Variants in RNF24 observed in about 807,000 individuals in gnomAD.
RNF24 encodes ring finger protein 24.
A neutral mutation model predicts 20.0 loss-of-function variants in RNF24; 14 were observed. The observed-to-expected ratio is 0.70, with a 90% CI of 0.46 to 1.10. The LOEUF (loss-of-function observed/expected upper bound fraction) is 1.10, where lower values mean the gene tolerates loss of function less well. Ranked by LOEUF, RNF24 falls within the 50% of genes least tolerant of loss-of-function variation. The probability of loss-of-function intolerance (pLI) is 0.00; values close to 1 mark genes in which losing one functional copy is unlikely to be tolerated. For missense variants in RNF24, 124 were observed against 177.6 expected (o/e 0.70, Z 1.71); for synonymous variants, 45 against 61.1 (o/e 0.74, Z 1.23).
chr20:3,946,969 G>A (rs567111865), intron 3 of RNF24, among the ~76,000 whole-genome samples: 2 of 152,206 alleles, frequency 1.3e-5, no homozygotes, highest in South Asian at 4.1e-4. Flanking sequence ...GAGGTGGGTG[G>A]ATCACGAGGT....
rs556247516 is a variant in RNF24, at chr20:3,941,143, T to C, written c.228+4034A>G. Among the ~76,000 whole-genome samples the C allele has an allele frequency of 5.3e-5, 8 of 152,250 alleles. No homozygotes were observed. In the South Asian group the frequency reaches 1.4e-3, roughly 28 times the overall value. ...TCCCAGGCTTGGGTGATCTTTCCACTTAAGGCTCCTGAGTAGCTGGGACTA... is the reference window on the plus strand; with the variant it reads ...TCCCAGGCTTGGGTGATCTTTCCACCTAAGGCTCCTGAGTAGCTGGGACTA... On this transcript the variant is annotated intron_variant, in intron 4 of 5. Transcript: ENST00000358395.
rs773343492 is a variant in RNF24 at position 3,934,295 on chromosome 20, C to T, written c.309-94G>A. On this transcript the variant is annotated intron_variant, in intron 5 of 5. Transcript: ENST00000358395. This position sits in a 1 kb window ranked among gnomAD's most constrained non-coding sequence, Gnocchi z 4.0. The stretch of plus-strand genomic sequence containing the variant: ...ATCTCCATATCTGTCACCCAGACAA[C>T]GTCTGCTGTATGGTCCAAGGAGCTC... The T allele has an allele frequency of 1.8e-4, 235 of 1,330,124 alleles. No individual in the cohort carries two copies. Among genetic ancestry groups the T allele is most frequent in the Middle Eastern group, 3.8e-4 (2 of 5,266 alleles). 82.4% of individuals were successfully genotyped at this position (1,330,124 alleles called of 1,614,324 possible). A position where few individuals can be genotyped will look rare whatever the true frequency, so the allele number is the denominator to read the frequency against.
At chr20:3,979,960 G>A (rs1337069520) in intron 1 of RNF24, among the ~76,000 whole-genome samples, 2 of 151,928 alleles carry the variant, frequency 1.3e-5, no homozygotes, top group East Asian at 1.9e-4. Context: ...AAATAAGCCA[G>A]AAGAAGGAAT....
intron 1 of RNF24, among the ~76,000 whole-genome samples, chr20:3,979,574 C>T (rs1466175593): frequency 1.3e-5 from 2 of 152,104 alleles, no homozygotes; most frequent in African/African-American, 4.8e-5. Flanking sequence ...ACTCAGGAGG[C>T]TGAGGCAGGA....
intron 1 of RNF24, among the ~76,000 whole-genome samples, chr20:4,014,779 C>CACA (rs1568679707): frequency 8.3e-6 from 1 of 120,468 alleles, no homozygotes; most frequent in East Asian, 2.4e-4. Context: ...ACACACACAT[C>CACA]ATTAGGTCTC....
rs969299422 is a variant in RNF24 at position 3,933,116 on chromosome 20, GAGAGA to G, written c.*942_*946del. On this transcript the variant is annotated 3_prime_UTR_variant, in exon 6 of 6. Transcript: ENST00000358395. ...AAGTAGAAAGAGAGATAGGGCAAGA[GAGAGA>G]AGAGATGGAAGGAGGGGGAGAGGCC... The G allele has an allele frequency of 7.8e-6, 3 of 382,318 alleles. No individual in the cohort carries two copies. In the Admixed American group the frequency reaches 1.4e-4, roughly 18 times the overall value. 23.7% of individuals were successfully genotyped at this position (382,318 alleles called of 1,614,324 possible).
intron 2 of RNF24, among the ~76,000 whole-genome samples, chr20:3,952,379 C>T (rs2091091330): frequency 6.6e-6 from 1 of 151,948 alleles, no homozygotes; most frequent in African/African-American, 2.4e-5. Flanking sequence ...TTATTTCTTG[C>T]TACCTATATG....
intron 1 of RNF24, among the ~76,000 whole-genome samples, chr20:3,968,246 G>A (rs574108498): frequency 6.6e-6 from 1 of 151,884 alleles, no homozygotes; most frequent in African/African-American, 2.4e-5. Flanking sequence ...AGGTTGCAGT[G>A]AGCTGAGATC....
At chr20:4,005,139 C>T (rs892836096) in intron 1 of RNF24, among the ~76,000 whole-genome samples, 4 of 152,032 alleles carry the variant, frequency 2.6e-5, no homozygotes, top group Non-Finnish European at 5.9e-5. Flanking sequence ...AAAACTGGAC[C>T]CTGAACTTGT....
intron 1 of RNF24, among the ~76,000 whole-genome samples, chr20:3,979,150 T>C (rs928109797): frequency 2.0e-5 from 3 of 150,786 alleles, no homozygotes; most frequent in African/African-American, 4.9e-5. Context: ...TACGTATCTA[T>C]ACTGTGTGTG....
At chr20:3,967,596 T>C (rs887748195) in intron 1 of RNF24, among the ~76,000 whole-genome samples, 1 of 152,196 alleles carries the variant, frequency 6.6e-6, no homozygotes, top group East Asian at 1.9e-4. Context: ...TGCAGTAGCA[T>C]TCCTCAAAGC....
rs531134143 is a variant in RNF24, at chr20:4,015,534, G to C, written c.-105C>G. The C allele has an allele frequency of 0.011, 1,603 of 150,870 alleles. 13 individuals carry two copies. Among genetic ancestry groups the C allele is most frequent in the Middle Eastern group, 0.027 (8 of 294 alleles). The allele number at this position is 150,870 out of a possible 1,614,324, so 9.3% of individuals were successfully genotyped here. On this transcript the variant is annotated 5_prime_UTR_variant, in exon 1 of 6. Coordinates refer to ENST00000358395, the MANE Select transcript of RNF24 (RefSeq NM_001134337.3). ...GCGAGCGTCCGTCCGGACAGAGCGC[G>C]GCGGAGGTGGCGGCGGCTGACTGCG...
rs1015467967 is a variant in RNF24 at position 3,966,880 on chromosome 20, G to A, written c.-7-2856C>T. Among the ~76,000 whole-genome samples, 3 of 152,338 alleles carry A rather than the reference G, an allele frequency of 2.0e-5. No individual in the cohort carries two copies. In the East Asian group the frequency reaches 5.8e-4, roughly 29 times the overall value. On this transcript the variant is annotated intron_variant, in intron 1 of 5. Coordinates refer to ENST00000358395, the MANE Select transcript of RNF24 (RefSeq NM_001134337.3). ...AGAGGGAAGAGACATCTGCCTTAGT[G>A]CTGCTGGGGGCTGGATGTTGAGACT...
In RNF24 at chr20:3,933,995, C is replaced by T. The variant is rs2090858648; in HGVS notation, c.*68G>A. The T allele has an allele frequency of 2.2e-6, 3 of 1,381,754 alleles. No individual in the cohort carries two copies. The highest frequency in any genetic ancestry group is 2.4e-4 in the Middle Eastern group (1 of 4,108). The allele number at this position is 1,381,754 out of a possible 1,614,324, so 85.6% of individuals were successfully genotyped here. The stretch of plus-strand genomic sequence containing the variant: ...CCTAGGTAGAGAGCAGCCATACAGA[C>T]ACCACATGTGTTCCTCCTGGCTCCA... On this transcript the variant is annotated 3_prime_UTR_variant, in exon 6 of 6. Transcript: ENST00000358395.
intron 1 of RNF24, among the ~76,000 whole-genome samples, chr20:4,004,125 CCTAT>C (rs924296769): frequency 3.3e-5 from 5 of 152,084 alleles, no homozygotes; most frequent in African/African-American, 1.2e-4. Flanking sequence ...AAGATGACTC[CCTAT>C]CTTTTTTCTT....
chr20:3,991,056 A>T (rs957503623), intron 1 of RNF24, among the ~76,000 whole-genome samples: 2 of 152,094 alleles, frequency 1.3e-5, no homozygotes, highest in Admixed American at 6.6e-5. Context: ...AAAAATATAT[A>T]AAAAACTGGT....
intron 1 of RNF24, among the ~76,000 whole-genome samples, chr20:3,995,067 T>C (rs1980751606): frequency 6.6e-6 from 1 of 152,108 alleles, no homozygotes; most frequent in South Asian, 2.1e-4. Context: ...TGGCACTAAG[T>C]GGGTTCCATG....
intron 1 of RNF24, among the ~76,000 whole-genome samples, chr20:3,998,403 C>T (rs986684172): frequency 1.3e-5 from 2 of 151,536 alleles, no homozygotes; most frequent in South Asian, 2.1e-4. Flanking sequence ...GGTGAAACCC[C>T]GTCTCTACTA....
rs542938909 is a variant in RNF24, at chr20:3,989,360, G to A, written c.-7-25336C>T. The stretch of plus-strand genomic sequence containing the variant: ...CAAAAAATTAGCCAGGCGTGGTGGC[G>A]GGCGCCTGTAGTCCCAGGTACTCGG... On this transcript the variant is annotated intron_variant, in intron 1 of 5. Transcript: ENST00000358395. Among the ~76,000 whole-genome samples, 41 of 151,958 alleles carry A rather than the reference G, an allele frequency of 2.7e-4. No individual in the cohort carries two copies. The East Asian group carries it at 7.2e-3, about 27-fold the overall frequency.
Sources: gnomAD v4.1 joint callset for allele counts (sites outside exome capture counted in the v4.1 genomes callset) on GRCh38, gnomAD v4.1.1 for gene constraint, Gnocchi (gnomAD v3.1) non-coding constraint, MANE v1.5 for transcripts, NCBI Gene and HGNC (gene_info 2026-07-23, HGNC 2026-07-21) for gene names.